IGSF21: variants seen among roughly 807,000 people sequenced by gnomAD.
IGSF21 encodes the protein immunoglobin superfamily member 21.
In IGSF21, 28 loss-of-function variants were observed where a neutral mutation model predicts 46.8. That is an observed-to-expected ratio of 0.60 (90% CI 0.44 to 0.82). IGSF21 has a LOEUF of 0.82. IGSF21 is among the 40% of genes least tolerant of loss of function. IGSF21 has a pLI of 0.00. For missense variants in IGSF21, 624 were observed against 665.5 expected (o/e 0.94, Z 0.69); for synonymous variants, 284 against 273.6 (o/e 1.04, Z -0.38).
intron 3 of IGSF21, among the ~76,000 whole-genome samples, chr1:18,302,066 T>C (rs2085367175): frequency 6.6e-6 from 1 of 152,080 alleles, no homozygotes; most frequent in Non-Finnish European, 1.5e-5. Context: ...CCTGGCACCT[T>C]CTCACTGCCT....
rs1430552234 is a variant in IGSF21 at position 18,139,163 on chromosome 1, A to G, written c.70+30965A>G. Among the ~76,000 whole-genome samples, 4 of 152,234 alleles carry G rather than the reference A, an allele frequency of 2.6e-5. No homozygotes were observed. The East Asian group carries it at 7.7e-4, about 29-fold the overall frequency. ...CTTTTCAATAAAGATAATTTGTGGT[A>G]TATATAACCAAATGCACTCTAATGT... is the stretch of plus-strand genomic sequence containing the variant. On this transcript the variant is annotated intron_variant, in intron 1 of 9. Transcript: ENST00000251296.
chr1:18,330,918 A>G (rs2085706351), intron 3 of IGSF21, among the ~76,000 whole-genome samples: 2 of 152,208 alleles, frequency 1.3e-5, no homozygotes, highest in Non-Finnish European at 2.9e-5. Flanking sequence ...GTTACCATCA[A>G]TTAACCTACA....
intron 1 of IGSF21, among the ~76,000 whole-genome samples, chr1:18,210,453 C>A (rs1040298421): frequency 1.3e-5 from 2 of 152,162 alleles, no homozygotes; most frequent in African/African-American, 4.8e-5. Context: ...GGCTGAATGT[C>A]AGGTGTTAGG....
At chr1:18,279,183 G>A (rs1421539064) in intron 2 of IGSF21, among the ~76,000 whole-genome samples, 1 of 152,154 alleles carries the variant, frequency 6.6e-6, no homozygotes, top group African/African-American at 2.4e-5. Context: ...GACCTTCTGA[G>A]GCTGCCCTCC....
intron 1 of IGSF21, among the ~76,000 whole-genome samples, chr1:18,133,036 G>T (rs1329125423): frequency 6.6e-6 from 1 of 152,154 alleles, no homozygotes; most frequent in East Asian, 1.9e-4. Flanking sequence ...TCTCCCTCTA[G>T]ATGCAAAGCA....
intron 1 of IGSF21, 52 bp downstream of exon 1, chr1:18,108,250 G>T (rs962616056): frequency 2.9e-5 from 38 of 1,311,792 alleles, no homozygotes; most frequent in Middle Eastern, 2.9e-4. Context: ...GCGCGGGGAC[G>T]GGGTGCCGGG....
rs1361218729 is a variant in IGSF21, at chr1:18,108,125, C to T, written c.-4C>T. ...CCCGCCACCGCCGCCAGCTCCCGGGCACCATGCGAACCGCCCCGAGCCTCC... is the reference window on the plus strand; with the variant it reads ...CCCGCCACCGCCGCCAGCTCCCGGGTACCATGCGAACCGCCCCGAGCCTCC... On this transcript the variant is annotated 5_prime_UTR_variant, in exon 1 of 10. Coordinates refer to ENST00000251296, the MANE Select transcript of IGSF21 (RefSeq NM_032880.5). The T allele has an allele frequency of 7.3e-7, 1 of 1,375,862 alleles. No individual in the cohort carries two copies. The highest frequency in any genetic ancestry group is 2.6e-5 in the Admixed American group (1 of 37,894). 85.2% of individuals were successfully genotyped at this position (1,375,862 alleles called of 1,614,324 possible).
intron 2 of IGSF21, among the ~76,000 whole-genome samples, chr1:18,283,857 G>C (rs981641158): frequency 6.6e-6 from 1 of 152,030 alleles, no homozygotes; most frequent in African/African-American, 2.4e-5. Context: ...TCCCTTCTCT[G>C]GCCATGGGTT....
intron 4 of IGSF21, 168 bp from the exon 5 acceptor site, chr1:18,361,947 G>A (rs763703062): frequency 8.1e-5 from 48 of 592,158 alleles, no homozygotes; most frequent in Non-Finnish European, 1.2e-4. Flanking sequence ...CAGCAAGGAC[G>A]TGTTCCTCAC....
At chr1:18,305,488 TGATG>T (rs148976653) in intron 3 of IGSF21, among the ~76,000 whole-genome samples, 751 of 50,412 alleles carry the variant, frequency 0.015, 7 homozygotes, top group African/African-American at 0.027. Context: ...GATGGATGGA[TGATG>T]GATGGATGGA....
intron 1 of IGSF21, among the ~76,000 whole-genome samples, chr1:18,153,859 A>C (rs1215800568): frequency 6.6e-6 from 1 of 152,176 alleles, no homozygotes; most frequent in Non-Finnish European, 1.5e-5. Context: ...GTCCAGCTGC[A>C]TCTCATTTCA....
At chr1:18,149,107 C>T (rs1430799256) in intron 1 of IGSF21, among the ~76,000 whole-genome samples, 2 of 152,180 alleles carry the variant, frequency 1.3e-5, no homozygotes, top group Non-Finnish European at 2.9e-5. Flanking sequence ...CTCCTGCGGC[C>T]CACCTTGCCT....
chr1:18,353,452 C>T (rs1345003425), intron 4 of IGSF21, among the ~76,000 whole-genome samples: 1 of 152,102 alleles, frequency 6.6e-6, no homozygotes, highest in African/African-American at 2.4e-5. Context: ...TTGGGTGCGG[C>T]CGCAGGTAAG....
At chr1:18,302,908 C>G (rs755900704) in intron 3 of IGSF21, among the ~76,000 whole-genome samples, 8 of 152,184 alleles carry the variant, frequency 5.3e-5, no homozygotes, top group Non-Finnish European at 8.8e-5. Context: ...TCTATTTGAC[C>G]TTGGACCCAC....
At chr1:18,323,487 A>G (rs113913324) in intron 3 of IGSF21, among the ~76,000 whole-genome samples, 1,918 of 152,330 alleles carry the variant, frequency 0.013, 35 homozygotes, top group African/African-American at 0.044. Flanking sequence ...GTGTGAGTCA[A>G]GAGTTGTCCC....
intron 5 of IGSF21, among the ~76,000 whole-genome samples, chr1:18,364,294 T>TG (rs1169936607): frequency 6.6e-6 from 1 of 151,894 alleles, no homozygotes; most frequent in Non-Finnish European, 1.5e-5. Flanking sequence ...AGAAAATAAA[T>TG]GGGGGAAAAA....
intron 2 of IGSF21, among the ~76,000 whole-genome samples, chr1:18,280,175 G>T (rs1443288076): frequency 1.3e-5 from 2 of 152,100 alleles, no homozygotes; most frequent in Non-Finnish European, 1.5e-5. Flanking sequence ...GGGGATGTGG[G>T]CCAGAACCTC....
At chr1:18,313,568 G>A (rs376172587) in intron 3 of IGSF21, among the ~76,000 whole-genome samples, 2 of 152,210 alleles carry the variant, frequency 1.3e-5, no homozygotes, top group African/African-American at 4.8e-5. Context: ...GGGGGCTGGT[G>A]ATGATTATGT....
intron 1 of IGSF21, among the ~76,000 whole-genome samples, chr1:18,214,470 G>T (rs1417954132): frequency 6.6e-6 from 1 of 152,162 alleles, no homozygotes; most frequent in South Asian, 2.1e-4. Context: ...GTATCCAGCC[G>T]CAGCAAAAGT....
Sources: gnomAD v4.1 joint callset for allele counts (sites outside exome capture counted in the v4.1 genomes callset) on GRCh38, gnomAD v4.1.1 for gene constraint, MANE v1.5 for transcripts, NCBI Gene and HGNC (gene_info 2026-07-23, HGNC 2026-07-21) for gene names.